PCDHGA4: variants seen among roughly 807,000 people sequenced by gnomAD.
PCDHGA4 encodes protocadherin gamma subfamily A, 4.
PCDHGA4 carries 38 observed loss-of-function variants against 54.6 expected under a neutral mutation model. The observed-to-expected ratio is 0.70, with a 90% CI of 0.54 to 0.91. The LOEUF (loss-of-function observed/expected upper bound fraction) is 0.91. PCDHGA4 is among the 40% of genes least tolerant of loss of function. The pLI is 0.00. For missense variants in PCDHGA4, 1,298 were observed against 1,220.9 expected (o/e 1.06, Z -0.94); for synonymous variants, 511 against 512.9 (o/e 1.00, Z 0.05).
chr5:141,488,046 G>A (rs958459817), intron 1 of PCDHGA4, among the ~76,000 whole-genome samples: 1 of 152,182 alleles, frequency 6.6e-6, no homozygotes, highest in African/African-American at 2.4e-5. Flanking sequence ...CCAAGGGATT[G>A]AGGGGAAATA....
rs915288148 is a variant in PCDHGA4, at chr5:141,355,973, G to A, written c.866G>A (p.Gly289Asp). Residue 289 changes from glycine (G) to aspartate (D), a missense_variant, in exon 1 of 4, where the codon GGC becomes GAC. Transcript: ENST00000571252. The part of the protein sequence containing the change: ...HVSVRENVPV[G>D]TRLLTVKATD... ...AGTGTTCGTGAGAACGTTCCTGTAGGCACTCGGCTACTCACCGTAAAAGCC... is the reference window on the plus strand; with the variant it reads ...AGTGTTCGTGAGAACGTTCCTGTAGACACTCGGCTACTCACCGTAAAAGCC... 2.2e-5 allele frequency: 35 copies of A among 1,613,706 alleles called. No homozygotes were observed. Among genetic ancestry groups the A allele is most frequent in the Non-Finnish European group, 2.8e-5 (33 of 1,179,874 alleles).
At chr5:141,394,384 A>G (rs1379369009) in intron 1 of PCDHGA4, 2 of 1,614,114 alleles carry the variant, frequency 1.2e-6, no homozygotes, top group African/African-American at 2.7e-5. Flanking sequence ...GACTATGAGC[A>G]GATCCGAGAC....
At chr5:141,360,531 A>C in intron 1 of PCDHGA4, 2 of 1,613,990 alleles carry the variant, frequency 1.2e-6, no homozygotes, top group Non-Finnish European at 1.7e-6. Flanking sequence ...ATACCCCGCT[A>C]TTCAAACAGA....
rs2099404773 is a variant in PCDHGA4 at position 141,477,081 on chromosome 5, T to C, written c.2515-17726T>C. ...GACACCAAACTCCATGAGATTTACA[T>C]CCAGGCCAAAGACAAGGGCGCCAAT... On this transcript the variant is annotated intron_variant, in intron 1 of 3. Transcript: ENST00000571252. The surrounding 1 kb of genome is among the most constrained non-coding windows in gnomAD (Gnocchi z 4.9). 6.2e-7 allele frequency: 1 copy of C among 1,614,104 alleles called. No individual in the cohort carries two copies. Among genetic ancestry groups the C allele is most frequent in the Non-Finnish European group, 8.5e-7 (1 of 1,180,052 alleles).
intron 1 of PCDHGA4, chr5:141,389,562 G>T (rs1561626191): frequency 1.2e-6 from 2 of 1,613,284 alleles, no homozygotes; most frequent in Non-Finnish European, 1.7e-6. Context: ...TGCGCCACGG[G>T]TGCTGTACCC....
chr5:141,457,902 G>A (rs1219261409), intron 1 of PCDHGA4, among the ~76,000 whole-genome samples: 1 of 150,854 alleles, frequency 6.6e-6, no homozygotes, highest in Non-Finnish European at 1.5e-5. Flanking sequence ...GTGTAGACAA[G>A]GTGTGAGGCC....
chr5:141,384,053 C>T (rs1329974843), intron 1 of PCDHGA4: 1 of 1,610,750 alleles, frequency 6.2e-7, no homozygotes, highest in Non-Finnish European at 8.5e-7. Context: ...GTGACCTGCA[C>T]CATTCCAGAA....
chr5:141,422,077 A>C (rs2096622436), intron 1 of PCDHGA4: 1 of 1,612,340 alleles, frequency 6.2e-7, no homozygotes, highest in Admixed American at 1.7e-5. Flanking sequence ...TTCATTTCGG[A>C]ACATGGAAAG....
chr5:141,489,701 T>C lies in PCDHGA4; in HGVS notation c.2515-5106T>C, dbSNP rs1038902932. The C allele has an allele frequency of 1.9e-6, 3 of 1,614,128 alleles. No homozygotes were observed. The highest frequency in any genetic ancestry group is 2.5e-6 in the Non-Finnish European group (3 of 1,179,944). On this transcript the variant is annotated intron_variant, in intron 1 of 3. Transcript: ENST00000571252. The surrounding 1 kb of genome is among the most constrained non-coding windows in gnomAD (Gnocchi z 4.5). ...GCAGCATCTGGGGCACGATTCCCAC[T>C]GGACAGTGCCCAGGATCCGGATGTG...
intron 1 of PCDHGA4, chr5:141,374,487 A>G: frequency 6.2e-7 from 1 of 1,611,648 alleles, no homozygotes; most frequent in Non-Finnish European, 8.5e-7. Context: ...CGATTCTTAA[A>G]GGAAGAATTG....
intron 1 of PCDHGA4, chr5:141,422,453 G>GA: frequency 6.2e-7 from 1 of 1,611,704 alleles, no homozygotes. Context: ...ATAACAAGCA[G>GA]AGTGCTGGAC....
intron 1 of PCDHGA4, chr5:141,419,575 C>T (rs2096401495): frequency 6.2e-7 from 1 of 1,611,782 alleles, no homozygotes. Context: ...CCGACGGCTC[C>T]GCGCTCTTCG....
intron 1 of PCDHGA4, among the ~76,000 whole-genome samples, chr5:141,442,726 C>A (rs1160438073): frequency 2.6e-5 from 4 of 152,060 alleles, no homozygotes; most frequent in Non-Finnish European, 5.9e-5. Context: ...GCATTTGGGG[C>A]CTGTAGGTAA....
chr5:141,418,985 T>G, intron 1 of PCDHGA4: 1 of 1,613,882 alleles, frequency 6.2e-7, no homozygotes, highest in Non-Finnish European at 8.5e-7. Context: ...GGACCAAGAC[T>G]CAGGGGAAAA....
chr5:141,494,927 G>A, intron 2 of PCDHGA4, 62 bp downstream of exon 2: 1 of 1,613,516 alleles, frequency 6.2e-7, no homozygotes, highest in Non-Finnish European at 8.5e-7. Flanking sequence ...GATGACGTGG[G>A]AGGAGATGGG....
intron 2 of PCDHGA4, among the ~76,000 whole-genome samples, chr5:141,499,940 G>A (rs1158937971): frequency 4.0e-5 from 6 of 151,722 alleles, no homozygotes; most frequent in Non-Finnish European, 8.8e-5. Flanking sequence ...CACCCTCCTC[G>A]GCCTCCCAAA....
chr5:141,421,912 A>G (rs1207036091), intron 1 of PCDHGA4: 2 of 1,613,696 alleles, frequency 1.2e-6, no homozygotes, highest in Admixed American at 1.7e-5. Context: ...CGCAGTTCCC[A>G]TTCGTGTGGT....
intron 1 of PCDHGA4, chr5:141,366,276 A>G (rs779768182): frequency 1.9e-6 from 3 of 1,613,672 alleles, no homozygotes; most frequent in Non-Finnish European, 2.5e-6. Flanking sequence ...GTCGAAGACC[A>G]TGGCCAGCCC....
chr5:141,389,084 T>C (rs376665735), intron 1 of PCDHGA4: 12 of 1,613,880 alleles, frequency 7.4e-6, no homozygotes, highest in Admixed American at 1.7e-5. Flanking sequence ...GAAACACGTA[T>C]AAATTAGTGA....
Sources: allele counts gnomAD v4.1 joint callset (sites outside exome capture counted in the v4.1 genomes callset), GRCh38; gene constraint gnomAD v4.1.1; non-coding constraint Gnocchi (gnomAD v3.1); transcripts MANE v1.5; gene names NCBI Gene and HGNC (gene_info 2026-07-23, HGNC 2026-07-21).